PRKCE: variants seen among roughly 807,000 people sequenced by gnomAD.
PRKCE encodes protein kinase C epsilon.
A neutral mutation model predicts 85.4 loss-of-function variants in PRKCE; 16 were observed. The observed-to-expected ratio is 0.19, with a 90% confidence interval of 0.13 to 0.28. PRKCE has a LOEUF of 0.28. PRKCE is among the 10% of genes least tolerant of loss of function. The probability of loss-of-function intolerance (pLI) is 1.00; values close to 1 mark genes in which losing one functional copy is unlikely to be tolerated. For missense variants in PRKCE, 573 were observed against 975.2 expected (o/e 0.59, Z 5.49); for synonymous variants, 388 against 371.5 (o/e 1.04, Z -0.51).
chr2:45,848,085 C>A (rs1193017669), intron 2 of PRKCE, among the ~76,000 whole-genome samples: 1 of 152,176 alleles, frequency 6.6e-6, no homozygotes, highest in African/African-American at 2.4e-5. Context: ...GCAGTACCTC[C>A]AGGGCTGAAA....
At chr2:45,946,676 C>T (rs759536375) in intron 2 of PRKCE, among the ~76,000 whole-genome samples, 1 of 152,104 alleles carries the variant, frequency 6.6e-6, no homozygotes, top group Non-Finnish European at 1.5e-5. Context: ...GAATTAAAAG[C>T]CAGAGGAACC....
chr2:46,024,748 T>C (rs1310721598), intron 10 of PRKCE, among the ~76,000 whole-genome samples: 1 of 152,208 alleles, frequency 6.6e-6, no homozygotes, highest in Non-Finnish European at 1.5e-5. Context: ...CTTTCACCAT[T>C]TATCCAACCT....
chr2:46,097,486 T>C (rs961179881), intron 11 of PRKCE, among the ~76,000 whole-genome samples: 6 of 145,736 alleles, frequency 4.1e-5, no homozygotes, highest in Admixed American at 6.9e-5. Flanking sequence ...CACCACTGCA[T>C]TCCAGCCTGG....
intron 11 of PRKCE, among the ~76,000 whole-genome samples, chr2:46,098,086 T>A (rs1670878395): frequency 6.6e-6 from 1 of 152,224 alleles, no homozygotes; most frequent in Non-Finnish European, 1.5e-5. Context: ...TTTGAGTGTT[T>A]CAGCTAGTAA....
At chr2:45,679,631 G>A (rs1449792698) in intron 1 of PRKCE, among the ~76,000 whole-genome samples, 1 of 152,190 alleles carries the variant, frequency 6.6e-6, no homozygotes, top group African/African-American at 2.4e-5. Flanking sequence ...TTGAATGATG[G>A]GGTGGATCGG....
rs558708748 is a variant in PRKCE at position 46,035,176 on chromosome 2, C to T, written c.1437+24659C>T. On this transcript the variant is annotated intron_variant, in intron 10 of 14. Coordinates refer to ENST00000306156, the MANE Select transcript of PRKCE (RefSeq NM_005400.3). ...AGCAGAGCACATTCCCAGCTTCCATCGTCCAGGTGTCCCCATACACCACAG... is the reference window on the plus strand; with the variant it reads ...AGCAGAGCACATTCCCAGCTTCCATTGTCCAGGTGTCCCCATACACCACAG... Among the ~76,000 whole-genome samples, 5 of 152,324 alleles carry T rather than the reference C, an allele frequency of 3.3e-5. No individual in the cohort carries two copies. In the East Asian group the frequency reaches 7.7e-4, roughly 23 times the overall value.
chr2:45,686,143 C>A (rs1378294915), intron 1 of PRKCE: 1 of 152,004 alleles, frequency 6.6e-6, no homozygotes, highest in East Asian at 1.9e-4. Context: ...AAGCAGAAAC[C>A]CAGAGGGCTT....
intron 1 of PRKCE, among the ~76,000 whole-genome samples, chr2:45,797,649 C>T (rs1394251539): frequency 2.6e-5 from 4 of 152,216 alleles, no homozygotes; most frequent in Admixed American, 6.5e-5. Flanking sequence ...TTGGTTGGGG[C>T]GGTCTCTGCT....
At chr2:45,833,181 A>G (rs887101843) in intron 1 of PRKCE, among the ~76,000 whole-genome samples, 3 of 152,016 alleles carry the variant, frequency 2.0e-5, no homozygotes, top group Non-Finnish European at 4.4e-5. Context: ...AAAATAACTG[A>G]ATATTTTTTG....
At chr2:45,998,605 C>G (rs1056107940) in intron 6 of PRKCE, among the ~76,000 whole-genome samples, 7 of 152,092 alleles carry the variant, frequency 4.6e-5, no homozygotes, top group African/African-American at 1.7e-4. Context: ...TTGATCCACT[C>G]TAACAATCTG....
intron 10 of PRKCE, among the ~76,000 whole-genome samples, chr2:46,076,273 G>A (rs1668554051): frequency 6.6e-6 from 1 of 152,160 alleles, no homozygotes; most frequent in Non-Finnish European, 1.5e-5. Flanking sequence ...CTAGCTGGGG[G>A]CTGCTCCATT....
At chr2:45,989,613 C>T (rs1208057063) in intron 6 of PRKCE, among the ~76,000 whole-genome samples, 2 of 151,244 alleles carry the variant, frequency 1.3e-5, no homozygotes. Flanking sequence ...GAAAGAAAGG[C>T]CTGCCTGTCT....
intron 11 of PRKCE, among the ~76,000 whole-genome samples, chr2:46,103,618 A>T (rs147637828): frequency 7.0e-4 from 106 of 152,300 alleles, no homozygotes; most frequent in African/African-American, 2.5e-3. Flanking sequence ...AATCCCCCCA[A>T]ACTTAACTAC....
At chr2:46,055,869 C>T (rs1666534500) in intron 10 of PRKCE, among the ~76,000 whole-genome samples, 1 of 152,120 alleles carries the variant, frequency 6.6e-6, no homozygotes, top group South Asian at 2.1e-4. Context: ...TGCCATGTTG[C>T]CCAAGCTGGT....
At chr2:45,686,408 T>A (rs1438207010) in intron 1 of PRKCE, 2 of 152,192 alleles carry the variant, frequency 1.3e-5, no homozygotes, top group African/African-American at 4.8e-5. Flanking sequence ...GGGCACTAGC[T>A]GATGCACTTG....
chr2:46,141,505 A>G (rs1675526865), intron 11 of PRKCE, among the ~76,000 whole-genome samples: 1 of 152,218 alleles, frequency 6.6e-6, no homozygotes, highest in South Asian at 2.1e-4. Context: ...AAGGGTGACT[A>G]GGGAATGGAT....
intron 3 of PRKCE, among the ~76,000 whole-genome samples, chr2:45,976,863 G>A (rs1205142452): frequency 2.7e-5 from 2 of 73,916 alleles, no homozygotes; most frequent in Admixed American, 2.0e-4. Flanking sequence ...GTGACTGTGT[G>A]TGTGTGTGTG....
At chr2:46,169,254 G>A (rs1678650929) in intron 14 of PRKCE, among the ~76,000 whole-genome samples, 1 of 152,194 alleles carries the variant, frequency 6.6e-6, no homozygotes, top group African/African-American at 2.4e-5. Flanking sequence ...GAGGGGGATG[G>A]TAACAGAATT....
chr2:46,039,761 G>A (rs1391604265), intron 10 of PRKCE, among the ~76,000 whole-genome samples: 1 of 152,152 alleles, frequency 6.6e-6, no homozygotes, highest in Non-Finnish European at 1.5e-5. Flanking sequence ...TTGGGCTAAG[G>A]CATATACGAG....
Sources: gnomAD v4.1 joint callset for allele counts (sites outside exome capture counted in the v4.1 genomes callset) on GRCh38, gnomAD v4.1.1 for gene constraint, MANE v1.5 for transcripts, NCBI Gene and HGNC (gene_info 2026-07-23, HGNC 2026-07-21) for gene names.